The following AUTS2 variants were observed in gnomAD, a reference collection of about 807,000 sequenced individuals.
The protein encoded by AUTS2 is activator of transcription and developmental regulator AUTS2.
AUTS2 carries 17 observed loss-of-function variants against 112.4 expected under a neutral mutation model. The observed-to-expected ratio is 0.15, with a 90% confidence interval of 0.10 to 0.23. The LOEUF (loss-of-function observed/expected upper bound fraction) is 0.23. Ranked by LOEUF, AUTS2 falls within the 10% of genes least tolerant of loss-of-function variation. AUTS2 has a pLI of 1.00. For missense variants in AUTS2, 1,510 were observed against 1,701.6 expected (o/e 0.89, Z 1.98); for synonymous variants, 751 against 702.7 (o/e 1.07, Z -1.09).
At chr7:70,287,765 TGAA>T (rs1788527990) in intron 4 of AUTS2, among the ~76,000 whole-genome samples, 3 of 150,660 alleles carry the variant, frequency 2.0e-5, no homozygotes, top group South Asian at 4.2e-4. Flanking sequence ...GTCTTTAAGA[TGAA>T]GAAGGAGAGC....
chr7:70,465,016 A>G (rs886448885), intron 5 of AUTS2, among the ~76,000 whole-genome samples: 7 of 151,918 alleles, frequency 4.6e-5, no homozygotes, highest in Non-Finnish European at 1.0e-4. Flanking sequence ...CCTGCTTCCC[A>G]TTTTTAGAGA....
intron 1 of AUTS2, among the ~76,000 whole-genome samples, chr7:69,794,869 C>G (rs1348171911): frequency 1.3e-5 from 2 of 152,116 alleles, no homozygotes; most frequent in Admixed American, 1.3e-4. Flanking sequence ...CATTCACAAA[C>G]ACGAACCTTA....
At chr7:70,469,933 C>T (rs937863844) in intron 5 of AUTS2, among the ~76,000 whole-genome samples, 3 of 152,182 alleles carry the variant, frequency 2.0e-5, no homozygotes, top group Non-Finnish European at 2.9e-5. Flanking sequence ...AGCCACCGCG[C>T]CCAGCCAGGT....
chr7:70,439,747 G>C (rs1585146978), intron 5 of AUTS2, among the ~76,000 whole-genome samples: 1 of 152,122 alleles, frequency 6.6e-6, no homozygotes, highest in East Asian at 1.9e-4. Flanking sequence ...GAGGCAACAT[G>C]CAATTGCCAA....
chr7:70,388,131 A>G (rs1464211901), intron 4 of AUTS2, among the ~76,000 whole-genome samples: 1 of 152,286 alleles, frequency 6.6e-6, no homozygotes, highest in Non-Finnish European at 1.5e-5. Flanking sequence ...ATTTCTGCCA[A>G]CATGATTCTA....
chr7:69,863,656 C>T (rs1793090494), intron 1 of AUTS2, among the ~76,000 whole-genome samples: 1 of 152,192 alleles, frequency 6.6e-6, no homozygotes, highest in African/African-American at 2.4e-5. Context: ...TGTGTTACCA[C>T]GTGTATGACT....
At chr7:70,396,433 G>A (rs1427318971) in intron 4 of AUTS2, among the ~76,000 whole-genome samples, 2 of 150,998 alleles carry the variant, frequency 1.3e-5, no homozygotes, top group Non-Finnish European at 2.9e-5. Flanking sequence ...CTGGAGTACA[G>A]TGGCACGATC....
chr7:69,614,336 C>CT (rs1554334331), intron 1 of AUTS2, among the ~76,000 whole-genome samples: 2 of 47,392 alleles, frequency 4.2e-5, no homozygotes, highest in Non-Finnish European at 9.8e-5. Flanking sequence ...TTCTTTCTTT[C>CT]TTTCTTTCTT....
intron 1 of AUTS2, among the ~76,000 whole-genome samples, chr7:69,636,957 G>A (rs1426249081): frequency 1.3e-5 from 2 of 152,006 alleles, no homozygotes; most frequent in Non-Finnish European, 2.9e-5. Flanking sequence ...AGTAGAGACG[G>A]GGTTTCACCG....
chr7:69,630,982 G>C (rs559926122), intron 1 of AUTS2, among the ~76,000 whole-genome samples: 1 of 150,484 alleles, frequency 6.6e-6, no homozygotes, highest in Non-Finnish European at 1.5e-5. Flanking sequence ...ATTTATCCAC[G>C]TCTTGAGTAG....
intron 1 of AUTS2, among the ~76,000 whole-genome samples, chr7:69,895,171 G>A (rs1794692401): frequency 6.6e-6 from 1 of 152,052 alleles, no homozygotes; most frequent in Admixed American, 6.5e-5. Flanking sequence ...TCTTGTGACT[G>A]TTGATAAGAT....
rs186012761 is a variant in AUTS2 at position 69,668,174 on chromosome 7, C to T, written c.309+68212C>T. Among the ~76,000 whole-genome samples the T allele has an allele frequency of 3.1e-3, 474 of 152,234 alleles. 5 individuals are homozygous for T. Among genetic ancestry groups the T allele is most frequent in the Non-Finnish European group, 1.9e-3 (130 of 68,014 alleles). On this transcript the variant is annotated intron_variant, in intron 1 of 18. Transcript: ENST00000342771. ...TATTCCCTGTTGTTGGGCTAGCTTG[C>T]TCTTGGTGATTATAGTTTGACTTAT...
intron 6 of AUTS2, among the ~76,000 whole-genome samples, chr7:70,720,424 A>G (rs1269362759): frequency 6.6e-6 from 1 of 152,170 alleles, no homozygotes; most frequent in Non-Finnish European, 1.5e-5. Flanking sequence ...GAAGGTGGCT[A>G]TTACCCAGAA....
chr7:70,155,827 G>C (rs568365400), intron 4 of AUTS2, among the ~76,000 whole-genome samples: 190 of 152,294 alleles, frequency 1.2e-3, no homozygotes, highest in Non-Finnish European at 2.2e-3. Flanking sequence ...CTCTTTGGAG[G>C]TAAGAGAGGA....
intron 4 of AUTS2, among the ~76,000 whole-genome samples, chr7:70,277,958 ATGTGTG>A (rs35350185): frequency 2.2e-5 from 2 of 92,274 alleles, no homozygotes; most frequent in Non-Finnish European, 4.6e-5. Flanking sequence ...GTATGTATGT[ATGTGTG>A]TGTGTGTGTG....
chr7:70,054,661 C>A (rs1290714668), intron 2 of AUTS2, among the ~76,000 whole-genome samples: 1 of 152,112 alleles, frequency 6.6e-6, no homozygotes, highest in Non-Finnish European at 1.5e-5. Context: ...TTTCTAAATA[C>A]ACAAAAAAAC....
chr7:69,624,108 ACTGT>A (rs1274125014), intron 1 of AUTS2, among the ~76,000 whole-genome samples: 8 of 152,166 alleles, frequency 5.3e-5, no homozygotes, highest in African/African-American at 1.7e-4. Flanking sequence ...CTTGACAGTG[ACTGT>A]CTATTAATGC....
chr7:70,205,688 A>G lies in AUTS2; in HGVS notation c.660+71117A>G, dbSNP rs148566297. Among the ~76,000 whole-genome samples, 20 of 152,322 alleles carry G rather than the reference A, an allele frequency of 1.3e-4. No homozygotes were observed. In the East Asian group the frequency reaches 3.9e-3, roughly 29 times the overall value. ...TAAGTATACTCTATGAAGTTTGCAC[A>G]GCAACGAGATCACTTAACAATACAT... On this transcript the variant is annotated intron_variant, in intron 4 of 18. Transcript: ENST00000342771.
intron 5 of AUTS2, among the ~76,000 whole-genome samples, chr7:70,520,046 A>T (rs1799579389): frequency 6.6e-6 from 1 of 152,276 alleles, no homozygotes; most frequent in South Asian, 2.1e-4. Flanking sequence ...GTTTTCTTTC[A>T]GTCTATGGCT....
Sources: allele counts gnomAD v4.1 joint callset (sites outside exome capture counted in the v4.1 genomes callset), GRCh38; gene constraint gnomAD v4.1.1; transcripts MANE v1.5; gene names NCBI Gene and HGNC (gene_info 2026-07-23, HGNC 2026-07-21).